Variants in ZNF254 observed in about 807,000 individuals in gnomAD.
ZNF254 encodes CTD-2017D11.1.
Under a neutral mutation model 12.4 loss-of-function variants are expected in ZNF254, and 10 were observed. The ratio of observed to expected loss-of-function variants is 0.80; its 90% CI spans 0.50 to 1.36. The LOEUF is 1.36. Ranked by LOEUF, ZNF254 falls within the 40% of genes most tolerant of loss-of-function variation. ZNF254 has a pLI of 0.00. For synonymous variants in ZNF254, 305 were observed against 253.4 expected, an observed-to-expected ratio of 1.20 and a Z score of -1.93; for missense variants, 996 against 763.9, an observed-to-expected ratio of 1.30 and a Z score of -3.58.
At chr19:24,063,008 T>C (rs1378140783) in intron 2 of ZNF254, among the ~76,000 whole-genome samples, 1 of 147,864 alleles carries the variant, frequency 6.8e-6, no homozygotes, top group African/African-American at 2.4e-5. Context: ...ACCATGTTGG[T>C]CAGGCTGGTC....
At chr19:24,049,214 A>ATATATTTTTT (rs1160333151) in intron 2 of ZNF254, among the ~76,000 whole-genome samples, 5 of 40,866 alleles carry the variant, frequency 1.2e-4, no homozygotes, top group African/African-American at 4.1e-4. Flanking sequence ...ATATATATAT[A>ATATATTTTTT]TTTTTTTTTT....
At chr19:24,094,451 G>A (rs1371552655) in intron 1 of ZNF254, among the ~76,000 whole-genome samples, 1 of 151,882 alleles carries the variant, frequency 6.6e-6, no homozygotes, top group East Asian at 1.9e-4. Context: ...AGTAGAGGTG[G>A]GGTTTCACCA....
At chr19:24,117,482 G>T (rs182501857) in intron 3 of ZNF254, among the ~76,000 whole-genome samples, 1 of 152,186 alleles carries the variant, frequency 6.6e-6, no homozygotes, top group Non-Finnish European at 1.5e-5. Flanking sequence ...CTCTGTGGGC[G>T]TAGGACCCTC....
chr19:24,087,225 C>T lies in ZNF254; in HGVS notation c.-83C>T. The stretch of plus-strand genomic sequence containing the variant: ...GCTGTCGCCGGAGTCCCAGGTCTGT[C>T]TTCACTGCTCTGTGTCCTCTGCTCC... On this transcript the variant is annotated 5_prime_UTR_variant, in exon 1 of 4. Transcript: ENST00000357002. 4 of 1,593,576 alleles carry T rather than the reference C, an allele frequency of 2.5e-6. No individual in the cohort carries two copies. The highest frequency in any genetic ancestry group is 3.4e-6 in the Non-Finnish European group (4 of 1,163,022).
chr19:24,041,742 G>A (rs1484761184), intron 1 of ZNF254, among the ~76,000 whole-genome samples: 1 of 152,246 alleles, frequency 6.6e-6, no homozygotes, highest in Admixed American at 6.5e-5. Flanking sequence ...CTGCAGCCCC[G>A]GTGCGGGATC....
intron 3 of ZNF254, among the ~76,000 whole-genome samples, chr19:24,123,964 GTTAATT>G (rs1351756909): frequency 2.0e-5 from 3 of 151,776 alleles, no homozygotes; most frequent in Admixed American, 2.0e-4. Context: ...CAATTTAAAA[GTTAATT>G]TTATATATAT....
chr19:24,126,511 A>C lies in ZNF254; in HGVS notation c.511A>C (p.Arg171=). 1.3e-6 allele frequency: 2 copies of C among 1,589,450 alleles called. No individual in the cohort carries two copies. Among genetic ancestry groups the C allele is most frequent in the Admixed American group, 3.8e-5 (2 of 52,604 alleles). ...CTTCTATAAATTTTTAAATTCAAAC[A>C]GACCTAAGATAAGACATACTGAAAA... is the stretch of plus-strand genomic sequence containing the variant. ...KVFYKFLNSN[R]PKIRHTEKKS... Residue 171 remains arginine, a synonymous_variant, in exon 4 of 4, where the codon AGA becomes CGA. Transcript: ENST00000357002.
rs1568476422 is a variant in ZNF254 at position 24,126,531 on chromosome 19, TGAAAA to T, written c.536_540del (p.Lys179IlefsTer5). On this transcript the variant is annotated frameshift_variant, in exon 4 of 4. Transcript: ENST00000357002. LOFTEE classifies it low-confidence loss of function (END_TRUNC). Reference sequence around the variant, plus strand: ...CAAACAGACCTAAGATAAGACATACTGAAAAGAAATCTTTCAAATGTAAAAAACGT... The same window carrying T: ...CAAACAGACCTAAGATAAGACATACTGAAATCTTTCAAATGTAAAAAACGT... 5 of 1,600,658 alleles carry T rather than the reference TGAAAA, an allele frequency of 3.1e-6. No individual in the cohort carries two copies. Among genetic ancestry groups the T allele is most frequent in the South Asian group, 1.1e-5 (1 of 87,982 alleles).
At chr19:24,033,534 CT>C in exon 1 of ZNF254, 1 of 187,952 alleles carries the variant, frequency 5.3e-6, no homozygotes, top group Non-Finnish European at 1.2e-5. Flanking sequence ...CCCCTGGGGA[CT>C]CTGTGACGGC....
At chr19:24,092,422 C>T (rs12979078) in intron 1 of ZNF254, among the ~76,000 whole-genome samples, 23,804 of 152,002 alleles carry the variant, frequency 0.16, 2,384 homozygotes, top group Non-Finnish European at 0.21. Context: ...CACCCTCCCC[C>T]CCGGCCTCCC....
At chr19:24,125,255 GT>G (rs1185430746) in intron 3 of ZNF254, among the ~76,000 whole-genome samples, 1 of 137,068 alleles carries the variant, frequency 7.3e-6, no homozygotes, top group Non-Finnish European at 1.6e-5. Context: ...GGATCTGTCA[GT>G]TTTTTTGTGT....
chr19:24,122,591 C>G (rs1247783105), intron 3 of ZNF254, among the ~76,000 whole-genome samples: 1 of 151,982 alleles, frequency 6.6e-6, no homozygotes, highest in East Asian at 1.9e-4. Context: ...GAGTGTAACT[C>G]CTTCATATAT....
intron 3 of ZNF254, among the ~76,000 whole-genome samples, chr19:24,117,837 G>A (rs990518283): frequency 6.6e-6 from 1 of 151,876 alleles, no homozygotes; most frequent in Non-Finnish European, 1.5e-5. Context: ...GGCCATCTTG[G>A]CTGCTCAAGA....
At chr19:24,092,430 C>T (rs1455433209) in intron 1 of ZNF254, among the ~76,000 whole-genome samples, 1 of 152,118 alleles carries the variant, frequency 6.6e-6, no homozygotes, top group East Asian at 1.9e-4. Flanking sequence ...CCCCCGGCCT[C>T]CCAAAGTGCT....
At chr19:24,033,647 GA>G in intron 1 of ZNF254, 1 of 364,096 alleles carries the variant, frequency 2.7e-6, no homozygotes, top group Non-Finnish European at 5.4e-6. Flanking sequence ...TGGGCATCCC[GA>G]AAGGAGAGAG....
At position 24,127,332 on chromosome 19, in the gene ZNF254, C is replaced by T. The variant is rs776337445; in HGVS notation, c.1332C>T (p.Ile444=). The part of the protein sequence containing the change: ...YKCEECGKAF[I]WSSTLTKHKR... ...GTGAAGAATGTGGCAAAGCATTTAT[C>T]TGGTCCTCAACCCTTACTAAACATA... The change falls in exon 4 of 4, where the codon ATC becomes ATT. Residue 444 remains isoleucine, a synonymous_variant. Transcript: ENST00000357002. 1.2e-6 allele frequency: 2 copies of T among 1,613,270 alleles called. No homozygotes were observed. Among genetic ancestry groups the T allele is most frequent in the South Asian group, 1.1e-5 (1 of 91,046 alleles).
intron 1 of ZNF254, among the ~76,000 whole-genome samples, chr19:24,041,961 C>T (rs1970183803): frequency 6.6e-6 from 1 of 151,936 alleles, no homozygotes; most frequent in South Asian, 2.1e-4. Flanking sequence ...CACCAATCAG[C>T]ACCCTGTGTT....
chr19:24,110,838 T>A (rs1973626743), intron 3 of ZNF254, among the ~76,000 whole-genome samples: 1 of 152,130 alleles, frequency 6.6e-6, no homozygotes, highest in Non-Finnish European at 1.5e-5. Flanking sequence ...AAAGTGTATC[T>A]TTAAAAGTGA....
At chr19:24,053,159 A>G (rs1970712023) in intron 2 of ZNF254, among the ~76,000 whole-genome samples, 1 of 152,154 alleles carries the variant, frequency 6.6e-6, no homozygotes, top group Non-Finnish European at 1.5e-5. Context: ...TTCGATCCAT[A>G]GAGAGGTTAG....
Sources: allele counts gnomAD v4.1 joint callset (sites outside exome capture counted in the v4.1 genomes callset), GRCh38; gene constraint gnomAD v4.1.1; transcripts MANE v1.5; gene names NCBI Gene and HGNC (gene_info 2026-07-23, HGNC 2026-07-21).